Variants in FSTL5 observed in about 807,000 individuals in gnomAD.
FSTL5 encodes the protein follistatin-related protein 5.
A neutral mutation model predicts 89.1 loss-of-function variants in FSTL5; 62 were observed. That is an observed-to-expected ratio of 0.70 (90% CI 0.57 to 0.86). The LOEUF (loss-of-function observed/expected upper bound fraction) is 0.86. Among genes scored for constraint, FSTL5 ranks in the 40% least tolerant of loss-of-function variants. The pLI, the probability that FSTL5 is intolerant of heterozygous loss-of-function variation, is 0.00. For missense variants in FSTL5, 1,057 were observed against 1,001.6 expected, an observed-to-expected ratio of 1.06 and a Z score of -0.75; for synonymous variants, 383 against 346.2, an observed-to-expected ratio of 1.11 and a Z score of -1.18.
chr4:161,968,412 A>G (rs1480342800), intron 3 of FSTL5, among the ~76,000 whole-genome samples: 3 of 152,156 alleles, frequency 2.0e-5, no homozygotes, highest in Non-Finnish European at 4.4e-5. Context: ...ATAAAAACAC[A>G]CAGAGTTGAA....
At chr4:161,740,422 T>C (rs1479061894) in intron 6 of FSTL5, among the ~76,000 whole-genome samples, 3 of 152,024 alleles carry the variant, frequency 2.0e-5, no homozygotes, top group African/African-American at 7.2e-5. Flanking sequence ...GAGTAGTGTA[T>C]TTTTATGAGA....
At chr4:161,849,059 C>A (rs1282074067) in intron 4 of FSTL5, among the ~76,000 whole-genome samples, 2 of 151,908 alleles carry the variant, frequency 1.3e-5, no homozygotes, top group Non-Finnish European at 2.9e-5. Flanking sequence ...GGGATCAGTG[C>A]CAATCATTTA....
intron 8 of FSTL5, among the ~76,000 whole-genome samples, chr4:161,585,134 C>T (rs1426247656): frequency 1.3e-5 from 2 of 152,042 alleles, no homozygotes; most frequent in Non-Finnish European, 2.9e-5. Context: ...ACAGGGAAGC[C>T]GCCTTTCACC....
intron 4 of FSTL5, among the ~76,000 whole-genome samples, chr4:161,810,764 T>G (rs1402470282): frequency 1.3e-5 from 2 of 152,196 alleles, no homozygotes; most frequent in Non-Finnish European, 1.5e-5. Flanking sequence ...TGATAGAATT[T>G]GTATAAACTC....
intron 15 of FSTL5, among the ~76,000 whole-genome samples, chr4:161,408,902 A>G (rs189265059): frequency 6.6e-6 from 1 of 152,344 alleles, no homozygotes. Flanking sequence ...AAAACCTCTG[A>G]GAAATATGGG....
intron 8 of FSTL5, among the ~76,000 whole-genome samples, chr4:161,566,271 A>G (rs1419510090): frequency 6.6e-6 from 1 of 151,410 alleles, no homozygotes; most frequent in Non-Finnish European, 1.5e-5. Context: ...TGGAAAACAA[A>G]TACCACATGT....
intron 4 of FSTL5, among the ~76,000 whole-genome samples, chr4:161,860,621 C>G (rs1218406741): frequency 2.0e-5 from 3 of 152,134 alleles, no homozygotes; most frequent in Non-Finnish European, 4.4e-5. Context: ...ATTGTTTGTC[C>G]TATGGATATG....
At chr4:161,418,636 C>A (rs945950814) in intron 15 of FSTL5, among the ~76,000 whole-genome samples, 1 of 152,042 alleles carries the variant, frequency 6.6e-6, no homozygotes, top group Admixed American at 6.6e-5. Flanking sequence ...TTAAAAGTGT[C>A]TTGGGTTTTT....
chr4:161,992,940 ATGTGTGTATATC>A (rs1560957779), intron 3 of FSTL5, among the ~76,000 whole-genome samples: 673 of 5,450 alleles, frequency 0.12, 39 homozygotes, highest in South Asian at 0.18. Flanking sequence ...GTATATATAT[ATGTGTGTATATC>A]TATATATATA....
chr4:162,067,358 T>C (rs1448747345), intron 2 of FSTL5, among the ~76,000 whole-genome samples: 1 of 152,084 alleles, frequency 6.6e-6, no homozygotes, highest in East Asian at 1.9e-4. Flanking sequence ...TGGCCTATTC[T>C]TTGTTTTCTT....
intron 4 of FSTL5, among the ~76,000 whole-genome samples, chr4:161,893,021 A>G (rs1280513636): frequency 6.6e-6 from 1 of 152,160 alleles, no homozygotes; most frequent in African/African-American, 2.4e-5. Flanking sequence ...ACCAGAGCTA[A>G]AATTTCTGTT....
At chr4:161,849,609 T>C (rs189727333) in intron 4 of FSTL5, among the ~76,000 whole-genome samples, 7 of 152,048 alleles carry the variant, frequency 4.6e-5, no homozygotes, top group African/African-American at 1.7e-4. Context: ...TTTTTGTTCA[T>C]CTTCTTTGCT....
At chr4:161,472,738 T>C (rs1240953636) in intron 13 of FSTL5, among the ~76,000 whole-genome samples, 2 of 152,052 alleles carry the variant, frequency 1.3e-5, no homozygotes, top group Non-Finnish European at 2.9e-5. Flanking sequence ...AACTTTTTTT[T>C]TTTTTTTGAG....
chr4:162,093,007 A>T (rs968861620), intron 2 of FSTL5, among the ~76,000 whole-genome samples: 7 of 151,138 alleles, frequency 4.6e-5, no homozygotes, highest in Non-Finnish European at 1.0e-4. Flanking sequence ...CAGTAGTAGT[A>T]TAGGGGCTTA....
intron 7 of FSTL5, among the ~76,000 whole-genome samples, chr4:161,645,495 C>T (rs1736121570): frequency 6.6e-6 from 1 of 151,960 alleles, no homozygotes; most frequent in South Asian, 2.1e-4. Context: ...GATTTTAAGA[C>T]TTGTTTGTGA....
chr4:161,897,575 C>CAAAAA (rs35785865), intron 4 of FSTL5, among the ~76,000 whole-genome samples: 6 of 81,442 alleles, frequency 7.4e-5, no homozygotes, highest in Non-Finnish European at 1.0e-4. Flanking sequence ...AACTCCGTCT[C>CAAAAA]AAAAAAAAAA....
rs369755460 is a variant in FSTL5 at position 161,997,803 on chromosome 4, A to G, written c.160+35822T>C. ...GTATTTTTAGTAGAGACGGGGCTTC[A>G]CTGTGTTAGCAAGGATGGTCTCGAT... On this transcript the variant is annotated intron_variant, in intron 3 of 15. Transcript: ENST00000306100. Among the ~76,000 whole-genome samples the G allele has an allele frequency of 2.0e-3, 302 of 152,024 alleles. 1 individual carries two copies. Among genetic ancestry groups the G allele is most frequent in the African/African-American group, 7.0e-3 (292 of 41,478 alleles).
At chr4:161,888,705 A>C (rs984935757) in intron 4 of FSTL5, among the ~76,000 whole-genome samples, 4 of 152,068 alleles carry the variant, frequency 2.6e-5, no homozygotes, top group Admixed American at 2.6e-4. Context: ...TCAGTAATCA[A>C]CTTTTATACT....
intron 12 of FSTL5, among the ~76,000 whole-genome samples, chr4:161,493,741 T>C (rs190143524): frequency 8.5e-5 from 13 of 152,216 alleles, no homozygotes; most frequent in African/African-American, 2.4e-4. Flanking sequence ...CACTTTTACA[T>C]GTGTATAAGT....
Sources: gnomAD v4.1 joint callset for allele counts (sites outside exome capture counted in the v4.1 genomes callset) on GRCh38, gnomAD v4.1.1 for gene constraint, MANE v1.5 for transcripts, NCBI Gene and HGNC (gene_info 2026-07-23, HGNC 2026-07-21) for gene names.